ITFG1: variants seen among roughly 807,000 people sequenced by gnomAD.
ITFG1 encodes integrin alpha FG-GAP repeat containing 1.
A neutral mutation model predicts 81.8 loss-of-function variants in ITFG1; 34 were observed. The ratio of observed to expected loss-of-function variants is 0.42; its 90% CI spans 0.32 to 0.55. The LOEUF is 0.55. ITFG1 is among the 20% of genes least tolerant of loss of function. The pLI is 0.17. For missense variants in ITFG1, 672 were observed against 755.4 expected (o/e 0.89, Z 1.29); for synonymous variants, 285 against 270.6 (o/e 1.05, Z -0.52).
chr16:47,438,782 C>T (rs1425217392), intron 5 of ITFG1, among the ~76,000 whole-genome samples: 1 of 152,198 alleles, frequency 6.6e-6, no homozygotes, highest in East Asian at 1.9e-4. Flanking sequence ...GAGCACCTCT[C>T]CTCCTCCAAA....
intron 5 of ITFG1, among the ~76,000 whole-genome samples, chr16:47,444,359 T>C (rs1378676493): frequency 2.6e-5 from 4 of 152,208 alleles, no homozygotes; most frequent in African/African-American, 7.2e-5. Context: ...AAAGATGTAA[T>C]AGCTCTTCAG....
At chr16:47,177,888 A>AGTAATTGCT (rs2151512169) in intron 14 of ITFG1, among the ~76,000 whole-genome samples, 1 of 152,378 alleles carries the variant, frequency 6.6e-6, no homozygotes, top group South Asian at 2.1e-4. Context: ...TATAGAGTAC[A>AGTAATTGCT]GTAATTGCTA....
intron 13 of ITFG1, among the ~76,000 whole-genome samples, chr16:47,228,610 G>A (rs1177824927): frequency 6.6e-6 from 1 of 152,198 alleles, no homozygotes; most frequent in African/African-American, 2.4e-5. Context: ...GGCTCAGGCA[G>A]TCTTCTGCCT....
chr16:47,409,089 C>T (rs887739923), intron 6 of ITFG1, among the ~76,000 whole-genome samples: 2 of 151,450 alleles, frequency 1.3e-5, no homozygotes, highest in African/African-American at 4.9e-5. Flanking sequence ...TTATTTTGAC[C>T]TCCTGGATCC....
intron 8 of ITFG1, among the ~76,000 whole-genome samples, chr16:47,340,326 G>A (rs748598368): frequency 9.9e-5 from 15 of 152,068 alleles, no homozygotes; most frequent in Middle Eastern, 3.2e-3. Context: ...TGATTTAAAA[G>A]ACAAATGTAT....
Position 47,158,991 on chromosome 16 carries a change from C to T in ITFG1, c.1662-1G>A. 6.9e-7 allele frequency: 1 copy of T among 1,439,228 alleles called. No homozygotes were observed. The highest frequency in any genetic ancestry group is 9.5e-7 in the Non-Finnish European group (1 of 1,057,706). 89.2% of individuals were successfully genotyped at this position (1,439,228 alleles called of 1,614,324 possible). A position where few individuals can be genotyped will look rare whatever the true frequency, so the allele number is the denominator to read the frequency against. ...TGTAAGATACAGTTTGGCACTCCAACTGTAGATAAAAACAGAACAAATTAA... is the reference window on the plus strand; with the variant it reads ...TGTAAGATACAGTTTGGCACTCCAATTGTAGATAAAAACAGAACAAATTAA... On this transcript the variant is annotated splice_acceptor_variant, in intron 16 of 17. Transcript: ENST00000320640. LOFTEE classifies it high-confidence loss of function.
chr16:47,217,870 AGCT>A (rs1965644584), intron 14 of ITFG1, among the ~76,000 whole-genome samples: 1 of 152,204 alleles, frequency 6.6e-6, no homozygotes, highest in Non-Finnish European at 1.5e-5. Flanking sequence ...GCTTGCAGTG[AGCT>A]GAGATCGCGC....
intron 5 of ITFG1, among the ~76,000 whole-genome samples, chr16:47,446,058 GA>G (rs1448479633): frequency 6.8e-6 from 1 of 146,332 alleles, no homozygotes. Flanking sequence ...TTGTAAGAAA[GA>G]AAAAAAAAAG....
intron 6 of ITFG1, among the ~76,000 whole-genome samples, chr16:47,391,587 T>G (rs1308913181): frequency 2.0e-5 from 3 of 152,326 alleles, no homozygotes; most frequent in Non-Finnish European, 4.4e-5. Flanking sequence ...GCATATATAG[T>G]GTTTAAAGTT....
At chr16:47,449,805 C>T (rs899076141) in intron 5 of ITFG1, 2 of 152,042 alleles carry the variant, frequency 1.3e-5, no homozygotes, top group African/African-American at 4.8e-5. Context: ...AATAAAGAAG[C>T]TATGGCACAA....
At chr16:47,180,461 T>A (rs111612447) in intron 14 of ITFG1, among the ~76,000 whole-genome samples, 8,141 of 149,512 alleles carry the variant, frequency 0.054, 301 homozygotes, top group Non-Finnish European at 0.086. Flanking sequence ...TGCTGCCATC[T>A]CGGCTCACTG....
intron 6 of ITFG1, among the ~76,000 whole-genome samples, chr16:47,421,336 T>C (rs1223130008): frequency 6.6e-6 from 1 of 151,452 alleles, no homozygotes; most frequent in Non-Finnish European, 1.5e-5. Context: ...AGATGGAGTC[T>C]CGTTCTGTCA....
At chr16:47,286,903 A>G (rs1348490696) in intron 10 of ITFG1, among the ~76,000 whole-genome samples, 1 of 152,196 alleles carries the variant, frequency 6.6e-6, no homozygotes, top group African/African-American at 2.4e-5. Flanking sequence ...CTCACTGAAC[A>G]TCTCACATTT....
intron 10 of ITFG1, among the ~76,000 whole-genome samples, chr16:47,273,748 G>C (rs1966367693): frequency 6.6e-6 from 1 of 152,236 alleles, no homozygotes; most frequent in South Asian, 2.1e-4. Flanking sequence ...ATTTTGTCAT[G>C]TTTTAATTTA....
intron 8 of ITFG1, among the ~76,000 whole-genome samples, chr16:47,360,786 C>G (rs1054297866): frequency 1.6e-4 from 25 of 152,226 alleles, no homozygotes; most frequent in Admixed American, 5.9e-4. Context: ...TACACCTAGC[C>G]ATAAAACAAA....
chr16:47,162,059 A>C (rs941277141), intron 15 of ITFG1, among the ~76,000 whole-genome samples: 12 of 152,190 alleles, frequency 7.9e-5, no homozygotes, highest in Non-Finnish European at 1.6e-4. Flanking sequence ...GAATTCATTC[A>C]TTCAACAAAT....
chr16:47,399,113 A>G (rs1425477694), intron 6 of ITFG1, among the ~76,000 whole-genome samples: 1 of 152,234 alleles, frequency 6.6e-6, no homozygotes. Context: ...AAATAAATTA[A>G]CTGGTATCAT....
intron 10 of ITFG1, among the ~76,000 whole-genome samples, chr16:47,288,921 G>A (rs1966881018): frequency 6.6e-6 from 1 of 152,104 alleles, no homozygotes; most frequent in Non-Finnish European, 1.5e-5. Flanking sequence ...GGGTATCCTT[G>A]TCTCCTTCCA....
chr16:47,216,256 A>G (rs555166036), intron 14 of ITFG1, among the ~76,000 whole-genome samples: 12 of 152,048 alleles, frequency 7.9e-5, no homozygotes, highest in Middle Eastern at 3.4e-3. Context: ...CTGGAGTGCA[A>G]TGCCCTCAGC....
Sources: gnomAD v4.1 joint callset for allele counts (sites outside exome capture counted in the v4.1 genomes callset) on GRCh38, gnomAD v4.1.1 for gene constraint, MANE v1.5 for transcripts, NCBI Gene and HGNC (gene_info 2026-07-23, HGNC 2026-07-21) for gene names.